The following GPR39 variants were observed in gnomAD, a reference collection of about 807,000 sequenced individuals.
The protein encoded by GPR39 is G protein-coupled receptor 39, also known as zinc sensing receptor.
A neutral mutation model predicts 18.4 loss-of-function variants in GPR39; 23 were observed. The ratio of observed to expected loss-of-function variants is 1.25; its 90% CI spans 0.90 to 1.77. GPR39 has a LOEUF of 1.77. Ranked by LOEUF, GPR39 falls within the 40% of genes most tolerant of loss-of-function variation. The pLI is 0.00. For synonymous variants in GPR39, 280 were observed against 257.9 expected, an observed-to-expected ratio of 1.09 and a Z score of -0.82; for missense variants, 647 against 602.4, an observed-to-expected ratio of 1.07 and a Z score of -0.78.
At chr2:132,584,637 C>T (rs536479997) in intron 1 of GPR39, among the ~76,000 whole-genome samples, 95 of 150,608 alleles carry the variant, frequency 6.3e-4, no homozygotes, top group Admixed American at 1.3e-3. Flanking sequence ...AAAAAAAAAA[C>T]GTAGTTACAT....
intron 1 of GPR39, among the ~76,000 whole-genome samples, chr2:132,515,627 C>T (rs966346636): frequency 2.0e-5 from 3 of 152,146 alleles, no homozygotes; most frequent in African/African-American, 7.2e-5. Context: ...CTTCTTCTCT[C>T]CTGAAGTGGG....
chr2:132,464,621 A>T (rs1379969532), intron 1 of GPR39, among the ~76,000 whole-genome samples: 2 of 152,196 alleles, frequency 1.3e-5, no homozygotes, highest in African/African-American at 2.4e-5. Flanking sequence ...TGCTCAGGGA[A>T]AAGTGGGCTG....
chr2:132,443,672 T>A (rs550746891), intron 1 of GPR39, among the ~76,000 whole-genome samples: 1 of 152,364 alleles, frequency 6.6e-6, no homozygotes, highest in African/African-American at 2.4e-5. Context: ...GAGGAATATC[T>A]GAATTAACAG....
intron 1 of GPR39, among the ~76,000 whole-genome samples, chr2:132,555,841 A>G (rs1278685827): frequency 6.6e-6 from 1 of 152,222 alleles, no homozygotes; most frequent in African/African-American, 2.4e-5. Context: ...TGAATATAAC[A>G]TATACATGGT....
intron 1 of GPR39, among the ~76,000 whole-genome samples, chr2:132,504,492 A>G (rs1333962559): frequency 1.3e-5 from 2 of 152,124 alleles, no homozygotes; most frequent in Non-Finnish European, 2.9e-5. Context: ...TTGTGCTTGA[A>G]GTTCTCAGAG....
rs1323655627 is a variant in GPR39, at chr2:132,636,367, G to C, written c.857-8734G>C. Among the ~76,000 whole-genome samples the C allele has an allele frequency of 2.0e-5, 3 of 152,262 alleles. No homozygotes were observed. The East Asian group carries it at 5.8e-4, about 30-fold the overall frequency. On this transcript the variant is annotated intron_variant, in intron 1 of 1. Transcript: ENST00000329321. ...CTCCTCTGCCTCAGTCACAGGCTTT[G>C]GGGGCTGGTCCTCCCAGGGTCTGGG...
At chr2:132,492,641 T>TATATATATAATATATA in intron 1 of GPR39, among the ~76,000 whole-genome samples, 1 of 135,680 alleles carries the variant, frequency 7.4e-6, no homozygotes, top group Non-Finnish European at 1.5e-5. Flanking sequence ...ATACACACCA[T>TATATATATAATATATA]CTATATATAA....
In GPR39 at chr2:132,467,946, T is replaced by C. The variant is rs184758737; in HGVS notation, c.856+50048T>C. Among the ~76,000 whole-genome samples the C allele has an allele frequency of 1.2e-4, 18 of 152,316 alleles. No homozygotes were observed. The East Asian group carries it at 2.5e-3, about 21-fold the overall frequency. On this transcript the variant is annotated intron_variant, in intron 1 of 1. Transcript: ENST00000329321. ...CATGTACCCAGTAGCCCTGAGCTAATAAAATCTGGTTGTTAAATTCCACCC... is the reference window on the plus strand; with the variant it reads ...CATGTACCCAGTAGCCCTGAGCTAACAAAATCTGGTTGTTAAATTCCACCC...
chr2:132,439,352 C>T (rs6705146), intron 1 of GPR39, among the ~76,000 whole-genome samples: 56,324 of 151,790 alleles, frequency 0.37, 10,907 homozygotes, highest in African/African-American at 0.5. Context: ...AGAAATAACC[C>T]CTCAAACATC....
chr2:132,559,185 T>A (rs1287677606), intron 1 of GPR39, among the ~76,000 whole-genome samples: 1 of 152,216 alleles, frequency 6.6e-6, no homozygotes, highest in East Asian at 1.9e-4. Context: ...TTGTAGCCAC[T>A]TAGGAAAAGA....
intron 1 of GPR39, among the ~76,000 whole-genome samples, chr2:132,479,445 G>A (rs1681190374): frequency 6.6e-6 from 1 of 152,130 alleles, no homozygotes; most frequent in Admixed American, 6.5e-5. Flanking sequence ...GGATGATGAA[G>A]CATTTAATTG....
intron 1 of GPR39, among the ~76,000 whole-genome samples, chr2:132,624,738 T>C (rs1186938302): frequency 6.6e-6 from 1 of 152,240 alleles, no homozygotes; most frequent in Non-Finnish European, 1.5e-5. Flanking sequence ...TTGCTCATGT[T>C]CTAGGGTGCA....
chr2:132,619,453 G>A (rs1227569379), intron 1 of GPR39, among the ~76,000 whole-genome samples: 1 of 152,148 alleles, frequency 6.6e-6, no homozygotes, highest in Admixed American at 6.5e-5. Flanking sequence ...CTTGTGGCAG[G>A]CAGTGACAGT....
intron 1 of GPR39, among the ~76,000 whole-genome samples, chr2:132,599,864 G>C (rs1681009076): frequency 6.6e-6 from 1 of 152,124 alleles, no homozygotes; most frequent in East Asian, 1.9e-4. Flanking sequence ...CCGTGGATGT[G>C]ATCTCCCCAG....
intron 1 of GPR39, among the ~76,000 whole-genome samples, chr2:132,616,024 G>A (rs1352969083): frequency 6.6e-6 from 1 of 150,782 alleles, no homozygotes; most frequent in South Asian, 2.1e-4. Flanking sequence ...TCACAGGAAT[G>A]CAAACAGCCT....
intron 1 of GPR39, chr2:132,489,220 A>G (rs1458514753): frequency 1.5e-5 from 3 of 202,194 alleles, no homozygotes; most frequent in Non-Finnish European, 3.2e-5. Flanking sequence ...GTGAAACCAT[A>G]TCTGTTTCTT....
intron 1 of GPR39, among the ~76,000 whole-genome samples, chr2:132,573,437 G>A (rs2104816474): frequency 6.6e-6 from 1 of 151,920 alleles, no homozygotes; most frequent in South Asian, 2.1e-4. Context: ...AGAGGGCCAG[G>A]CATTTTCATG....
intron 1 of GPR39, among the ~76,000 whole-genome samples, chr2:132,574,327 A>G (rs1680494418): frequency 6.6e-6 from 1 of 152,252 alleles, no homozygotes; most frequent in African/African-American, 2.4e-5. Flanking sequence ...ACTCATAAGG[A>G]TAAGTATTAC....
chr2:132,473,183 T>C (rs886294895), intron 1 of GPR39, among the ~76,000 whole-genome samples: 6 of 152,212 alleles, frequency 3.9e-5, no homozygotes, highest in African/African-American at 1.2e-4. Context: ...TCTTCTTTTG[T>C]AGTAGCAGGT....
Sources: gnomAD v4.1 joint callset for allele counts (sites outside exome capture counted in the v4.1 genomes callset) on GRCh38, gnomAD v4.1.1 for gene constraint, MANE v1.5 for transcripts, NCBI Gene and HGNC (gene_info 2026-07-23, HGNC 2026-07-21) for gene names.